The following INPP4B variants were observed in gnomAD, a reference collection of about 807,000 sequenced individuals.
INPP4B encodes the protein inositol polyphosphate-4-phosphatase type II B.
In INPP4B, 55 loss-of-function variants were observed where a neutral mutation model predicts 122.5. The observed-to-expected ratio is 0.45, with a 90% CI of 0.36 to 0.56. The LOEUF is 0.56. Ranked by LOEUF, INPP4B falls within the 20% of genes least tolerant of loss-of-function variation. The probability of loss-of-function intolerance (pLI) is 0.00; values close to 1 mark genes in which losing one functional copy is unlikely to be tolerated. For missense variants in INPP4B, 1,000 were observed against 1,097.7 expected (o/e 0.91, Z 1.26); for synonymous variants, 403 against 388.7 (o/e 1.04, Z -0.43).
intron 25 of INPP4B, among the ~76,000 whole-genome samples, chr4:142,034,582 C>T (rs947872163): frequency 2.0e-5 from 3 of 152,120 alleles, no homozygotes; most frequent in Non-Finnish European, 4.4e-5. Context: ...CTGATCACAG[C>T]CTGCACAGCC....
chr4:142,282,403 T>C (rs956837086), intron 9 of INPP4B, among the ~76,000 whole-genome samples: 2 of 152,222 alleles, frequency 1.3e-5, no homozygotes, highest in Non-Finnish European at 2.9e-5. Context: ...CATTGCTACA[T>C]AACAAATTTC....
At chr4:142,137,894 T>G (rs1805480960) in intron 18 of INPP4B, among the ~76,000 whole-genome samples, 1 of 151,962 alleles carries the variant, frequency 6.6e-6, no homozygotes, top group Non-Finnish European at 1.5e-5. Flanking sequence ...CAACAGGTGC[T>G]GGAGAGGATG....
At chr4:142,287,803 C>T (rs1754478245) in intron 9 of INPP4B, among the ~76,000 whole-genome samples, 1 of 152,110 alleles carries the variant, frequency 6.6e-6, no homozygotes, top group African/African-American at 2.4e-5. Flanking sequence ...TTATTTTAGT[C>T]TACTTGGACT....
intron 23 of INPP4B, among the ~76,000 whole-genome samples, chr4:142,106,863 G>A (rs899209252): frequency 6.6e-6 from 1 of 152,032 alleles, no homozygotes; most frequent in Non-Finnish European, 1.5e-5. Context: ...ATTAATATAA[G>A]AAATATAATT....
At chr4:142,392,056 C>T (rs61515079) in intron 7 of INPP4B, among the ~76,000 whole-genome samples, 31,292 of 152,056 alleles carry the variant, frequency 0.21, 4,378 homozygotes, top group African/African-American at 0.4. Flanking sequence ...AACCCAAAGA[C>T]CAAATCTTCT....
At chr4:142,650,986 G>A (rs972649790) in intron 2 of INPP4B, among the ~76,000 whole-genome samples, 1 of 152,042 alleles carries the variant, frequency 6.6e-6, no homozygotes, top group Non-Finnish European at 1.5e-5. Context: ...GCACTCCTTG[G>A]CAAATGCAAA....
chr4:142,714,745 C>T (rs1299866080), intron 2 of INPP4B, among the ~76,000 whole-genome samples: 1 of 152,016 alleles, frequency 6.6e-6, no homozygotes, highest in East Asian at 1.9e-4. Flanking sequence ...GGAGTAATAT[C>T]CACTCCACAG....
chr4:142,425,957 G>C (rs1807958341), intron 5 of INPP4B, among the ~76,000 whole-genome samples: 1 of 151,924 alleles, frequency 6.6e-6, no homozygotes, highest in South Asian at 2.1e-4. Context: ...CTGGTCATTT[G>C]GCTTGCATTG....
chr4:142,405,120 G>T, intron 6 of INPP4B, 86 bp downstream of exon 6: 4 of 701,440 alleles, frequency 5.7e-6, no homozygotes, highest in Middle Eastern at 3.7e-4. Flanking sequence ...GGCGGGGGTG[G>T]GGGGGAGGGA....
At chr4:142,379,957 G>A (rs958861948) in intron 7 of INPP4B, among the ~76,000 whole-genome samples, 1 of 152,190 alleles carries the variant, frequency 6.6e-6, no homozygotes. Context: ...AAGCCACTAG[G>A]CAAATGGTGA....
chr4:142,677,883 C>T (rs1215334788), intron 2 of INPP4B, among the ~76,000 whole-genome samples: 1 of 151,876 alleles, frequency 6.6e-6, no homozygotes, highest in African/African-American at 2.4e-5. Flanking sequence ...GGAGAAATAC[C>T]TAGTGTAGAT....
intron 2 of INPP4B, among the ~76,000 whole-genome samples, chr4:142,531,761 T>C (rs1462402999): frequency 2.6e-5 from 4 of 152,114 alleles, no homozygotes; most frequent in African/African-American, 9.7e-5. Context: ...CTACCAAATA[T>C]AGTAAAATAC....
chr4:142,612,984 G>T lies in INPP4B; in HGVS notation c.-191+112855C>A, dbSNP rs957190409. On this transcript the variant is annotated intron_variant, in intron 2 of 25. Transcript: ENST00000262992. ...ATATGCAATCAGAAATAATGTAAGTGCCATATAGAAAACTTCCTCAAAGGG... is the reference window on the plus strand; with the variant it reads ...ATATGCAATCAGAAATAATGTAAGTTCCATATAGAAAACTTCCTCAAAGGG... 2.0e-5 allele frequency among the ~76,000 whole-genome samples: 3 copies of T among 152,144 alleles called. No homozygotes were observed. The East Asian group carries it at 5.8e-4, about 29-fold the overall frequency.
chr4:142,035,628 C>A (rs904734210), intron 25 of INPP4B, among the ~76,000 whole-genome samples: 1 of 152,088 alleles, frequency 6.6e-6, no homozygotes, highest in East Asian at 1.9e-4. Flanking sequence ...TATGTCTCTG[C>A]AGAAGAAAGT....
At chr4:142,587,728 T>A (rs1736541211) in intron 2 of INPP4B, among the ~76,000 whole-genome samples, 1 of 152,076 alleles carries the variant, frequency 6.6e-6, no homozygotes, top group African/African-American at 2.4e-5. Flanking sequence ...ACAATTAAAT[T>A]ATTTTGACTC....
At chr4:142,193,700 T>C (rs1468260401) in intron 14 of INPP4B, among the ~76,000 whole-genome samples, 1 of 152,216 alleles carries the variant, frequency 6.6e-6, no homozygotes, top group African/African-American at 2.4e-5. Flanking sequence ...TGATTGTGTA[T>C]ACTAAATTTT....
intron 11 of INPP4B, 85 bp from the exon 12 acceptor site, chr4:142,238,096 A>T: frequency 1.7e-6 from 1 of 592,856 alleles, no homozygotes. Context: ...ATTAATCAAG[A>T]TGGCATTTTT....
At chr4:142,775,528 C>A in intron 1 of INPP4B, among the ~76,000 whole-genome samples, 1 of 145,226 alleles carries the variant, frequency 6.9e-6, no homozygotes, top group Non-Finnish European at 1.5e-5. Flanking sequence ...CCCCACCCCT[C>A]CCCTACTCTC....
In INPP4B at chr4:142,541,022, C is replaced by G. The variant is rs538200647; in HGVS notation, c.-190-78296G>C. Among the ~76,000 whole-genome samples the G allele has an allele frequency of 7.2e-5, 11 of 152,274 alleles. No homozygotes were observed. In the South Asian group the frequency reaches 2.1e-3, roughly 29 times the overall value. On this transcript the variant is annotated intron_variant, in intron 2 of 25. Coordinates refer to ENST00000262992, the MANE Select transcript of INPP4B (RefSeq NM_001101669.3). Reference sequence around the variant, plus strand: ...GTCGTCACATTGTTTGGGATGCTAGCAGTCCACATCCTATGGAACTATTAG... The same window carrying G: ...GTCGTCACATTGTTTGGGATGCTAGGAGTCCACATCCTATGGAACTATTAG...
Sources: gnomAD v4.1 joint callset for allele counts (sites outside exome capture counted in the v4.1 genomes callset) on GRCh38, gnomAD v4.1.1 for gene constraint, MANE v1.5 for transcripts, NCBI Gene and HGNC (gene_info 2026-07-23, HGNC 2026-07-21) for gene names.